TSHZ3: variants seen among roughly 807,000 people sequenced by gnomAD.
TSHZ3 encodes the protein teashirt zinc finger homeobox 3, also known as teashirt homolog 3.
Under a neutral mutation model 64.5 loss-of-function variants are expected in TSHZ3, and 10 were observed. The observed-to-expected ratio is 0.16, with a 90% CI of 0.10 to 0.26. The LOEUF (loss-of-function observed/expected upper bound fraction) is 0.26. TSHZ3 is among the 10% of genes least tolerant of loss of function. The pLI is 1.00. For missense variants in TSHZ3, 1,242 were observed against 1,421.7 expected (o/e 0.87, Z 2.03); for synonymous variants, 608 against 593.1 (o/e 1.03, Z -0.36).
rs16965157 is a variant in TSHZ3, at chr19:31,168,559, G to A, written n.810-12142C>T. On this transcript the variant is annotated intron_variant and non_coding_transcript_variant, in intron 5 of 6. Transcript: ENST00000651361. ...CACTTGGAAAATGGCAAACACCATA[G>A]GCTCTGAAGATTGAAGCGTATTATC... Among the ~76,000 whole-genome samples the A allele has an allele frequency of 8.7e-3, 1,328 of 152,318 alleles. 20 individuals are homozygous for A. The highest frequency in any genetic ancestry group is 0.03 in the African/African-American group (1,234 of 41,568).
At chr19:31,328,054 C>A (rs1426723534) in intron 1 of TSHZ3, among the ~76,000 whole-genome samples, 1 of 152,188 alleles carries the variant, frequency 6.6e-6, no homozygotes, top group African/African-American at 2.4e-5. Flanking sequence ...CAGATACCAG[C>A]TATTTATCTC....
chr19:31,322,643 C>A (rs1201624406), intron 1 of TSHZ3, among the ~76,000 whole-genome samples: 1 of 151,556 alleles, frequency 6.6e-6, no homozygotes, highest in African/African-American at 2.4e-5. Flanking sequence ...TGGTCTCGAA[C>A]TGCTAGCCTC....
intron 1 of TSHZ3, among the ~76,000 whole-genome samples, chr19:31,346,091 T>C (rs1917584721): frequency 6.6e-6 from 1 of 152,146 alleles, no homozygotes; most frequent in South Asian, 2.1e-4. Flanking sequence ...CATCAAAAAA[T>C]CCTAAAGTAC....
intron 5 of TSHZ3, among the ~76,000 whole-genome samples, chr19:31,186,399 G>T (rs756898733): frequency 2.0e-5 from 3 of 152,166 alleles, no homozygotes; most frequent in African/African-American, 7.2e-5. Context: ...GTTCTCACAA[G>T]ATCTGAATGG....
At chr19:31,320,997 C>G (rs1252138205) in intron 1 of TSHZ3, among the ~76,000 whole-genome samples, 1 of 152,228 alleles carries the variant, frequency 6.6e-6, no homozygotes, top group Non-Finnish European at 1.5e-5. Context: ...GATCCATCGT[C>G]CACAGAAGAT....
chr19:31,204,256 CTCTCTTCT>C (rs1342982713), intron 5 of TSHZ3, among the ~76,000 whole-genome samples: 3 of 151,840 alleles, frequency 2.0e-5, no homozygotes, highest in Non-Finnish European at 4.4e-5. Flanking sequence ...TCCTTCTTTC[CTCTCTTCT>C]TCTCTTGCTC....
At chr19:31,215,151 G>A (rs924869623) in intron 4 of TSHZ3, among the ~76,000 whole-genome samples, 13 of 151,978 alleles carry the variant, frequency 8.6e-5, no homozygotes, top group East Asian at 1.9e-4. Context: ...GAATTGTGGC[G>A]CTATATCATG....
intron 4 of TSHZ3, among the ~76,000 whole-genome samples, chr19:31,206,457 A>T (rs1440514842): frequency 6.6e-6 from 1 of 152,194 alleles, no homozygotes; most frequent in Non-Finnish European, 1.5e-5. Flanking sequence ...AGACACCAAA[A>T]GCATGTTTTA....
intron 1 of TSHZ3, among the ~76,000 whole-genome samples, chr19:31,291,269 A>G (rs1405239458): frequency 2.6e-5 from 4 of 152,238 alleles, no homozygotes; most frequent in African/African-American, 9.6e-5. Flanking sequence ...GAGTTCCAGA[A>G]GCCAAACCTG....
At chr19:31,172,599 C>T (rs1216690342) in intron 5 of TSHZ3, among the ~76,000 whole-genome samples, 2 of 152,172 alleles carry the variant, frequency 1.3e-5, no homozygotes, top group Admixed American at 1.3e-4. Flanking sequence ...TATACTTTAA[C>T]GTTCTAGTGG....
rs532647740 is a variant in TSHZ3 at position 31,215,214 on chromosome 19, T to C, written n.687-10136A>G. Among the ~76,000 whole-genome samples the C allele has an allele frequency of 7.9e-5, 12 of 152,274 alleles. No individual in the cohort carries two copies. In the East Asian group the frequency reaches 2.3e-3, roughly 29 times the overall value. ...CTTTAATATGAGTCAGGTCTTTACT[T>C]AAATAAATTTACTCAAAAAGGAAAA... On this transcript the variant is annotated intron_variant and non_coding_transcript_variant, in intron 4 of 6. Coordinates refer to the TSHZ3 transcript ENST00000651361.
chr19:31,225,340 T>C (rs1975445509), intron 4 of TSHZ3, among the ~76,000 whole-genome samples: 1 of 152,138 alleles, frequency 6.6e-6, no homozygotes, highest in African/African-American at 2.4e-5. Context: ...AAGCTGAATA[T>C]ATTTCCCCCA....
rs1976308586 is a variant in TSHZ3, at chr19:31,279,021, G to A, written c.772C>T (p.Arg258Cys). 6.2e-7 allele frequency: 1 copy of A among 1,613,794 alleles called. No homozygotes were observed. The highest frequency in any genetic ancestry group is 8.5e-7 in the Non-Finnish European group (1 of 1,179,830). ...TCCATTTCCAGCAAGGAGCGTTTGC[G>A]AGGCTTGGACCAGCGCTTGGGGTTG... Reference protein sequence around the residue: ...NNNPKRWSKPRKRSLLEMEGK... With the variant: ...NNNPKRWSKPCKRSLLEMEGK... The change falls in exon 2 of 2, where the codon CGC becomes TGC. Residue 258 changes from arginine (R) to cysteine (C), a missense_variant. Coordinates refer to ENST00000240587, the MANE Select transcript of TSHZ3 (RefSeq NM_020856.4). This position sits in a 1 kb window ranked among gnomAD's most constrained non-coding sequence, Gnocchi z 6.4.
At chr19:31,337,163 TTCTG>T (rs1161937167) in intron 1 of TSHZ3, among the ~76,000 whole-genome samples, 1 of 152,192 alleles carries the variant, frequency 6.6e-6, no homozygotes, top group African/African-American at 2.4e-5. Flanking sequence ...TTGACAACTT[TTCTG>T]TCTGATTCAG....
intron 1 of TSHZ3, among the ~76,000 whole-genome samples, chr19:31,281,593 C>A (rs1214629844): frequency 6.6e-6 from 1 of 152,168 alleles, no homozygotes; most frequent in Non-Finnish European, 1.5e-5. Flanking sequence ...AGTTTAAGGC[C>A]ATGCACTTTG....
intron 1 of TSHZ3, among the ~76,000 whole-genome samples, chr19:31,336,573 T>C (rs999247832): frequency 2.3e-4 from 35 of 152,168 alleles, no homozygotes; most frequent in Admixed American, 1.3e-4. Flanking sequence ...AAAAATCCGG[T>C]TATCTAAGGA....
chr19:31,221,450 A>C (rs187728749), intron 4 of TSHZ3, among the ~76,000 whole-genome samples: 131 of 152,326 alleles, frequency 8.6e-4, no homozygotes, highest in African/African-American at 3.1e-3. Flanking sequence ...TCCTTATGTC[A>C]AATTGGTGGC....
At chr19:31,304,236 G>C (rs1219361897) in intron 1 of TSHZ3, among the ~76,000 whole-genome samples, 3 of 152,184 alleles carry the variant, frequency 2.0e-5, no homozygotes, top group Non-Finnish European at 2.9e-5. Flanking sequence ...GCCTCCCAAA[G>C]TGTTGGGATT....
downstream of TSHZ3, among the ~76,000 whole-genome samples, chr19:31,272,323 C>A (rs1377104047): frequency 6.6e-6 from 1 of 152,116 alleles, no homozygotes; most frequent in African/African-American, 2.4e-5. Context: ...AGTCACCTAG[C>A]TGGAATGGTC....
Sources: gnomAD v4.1 joint callset for allele counts (sites outside exome capture counted in the v4.1 genomes callset) on GRCh38, gnomAD v4.1.1 for gene constraint, Gnocchi (gnomAD v3.1) non-coding constraint, MANE v1.5 for transcripts, NCBI Gene and HGNC (gene_info 2026-07-23, HGNC 2026-07-21) for gene names.